The following RAB38 variants were observed in gnomAD, a reference collection of about 807,000 sequenced individuals.
The protein encoded by RAB38 is RAB38, member RAS oncogene family.
Under a neutral mutation model 18.4 loss-of-function variants are expected in RAB38, and 15 were observed. The ratio of observed to expected loss-of-function variants is 0.82; its 90% CI spans 0.55 to 1.26. The LOEUF is 1.26. RAB38 is among the 50% of genes most tolerant of loss of function. The probability of loss-of-function intolerance (pLI) is 0.00; values close to 1 mark genes in which losing one functional copy is unlikely to be tolerated. For synonymous variants in RAB38, 101 were observed against 104.4 expected (o/e 0.97, Z 0.20); for missense variants, 294 against 267.4 (o/e 1.10, Z -0.69).
chr11:88,153,548 C>T (rs1277280365), intron 1 of RAB38, among the ~76,000 whole-genome samples: 1 of 152,162 alleles, frequency 6.6e-6, no homozygotes, highest in African/African-American at 2.4e-5. Flanking sequence ...CCCCTGGCAG[C>T]TCCCTAAATG....
At chr11:88,029,060 G>C in the RAB38 span, among the ~76,000 whole-genome samples, 2 of 152,048 alleles carry the variant, frequency 1.3e-5, no homozygotes, top group Non-Finnish European at 2.9e-5. Context: ...CCAGAAGAGA[G>C]TGGGGGCCAA....
chr11:87,870,176 T>C, the RAB38 span, among the ~76,000 whole-genome samples: 2 of 151,688 alleles, frequency 1.3e-5, no homozygotes, highest in African/African-American at 4.8e-5. Context: ...ATTATTCACA[T>C]GCTCACAACA....
chr11:87,949,603 T>C, the RAB38 span, among the ~76,000 whole-genome samples: 5 of 152,208 alleles, frequency 3.3e-5, no homozygotes, highest in Admixed American at 2.0e-4. Flanking sequence ...TTGTTCTCAT[T>C]GGTTTCAAAG....
chr11:87,956,196 T>C, the RAB38 span, among the ~76,000 whole-genome samples: 1 of 152,150 alleles, frequency 6.6e-6, no homozygotes, highest in African/African-American at 2.4e-5. Context: ...ATATCAACGA[T>C]ACAAAGTCAT....
At chr11:87,913,500 A>T in the RAB38 span, among the ~76,000 whole-genome samples, 3 of 152,158 alleles carry the variant, frequency 2.0e-5, no homozygotes, top group East Asian at 5.8e-4. Flanking sequence ...GAGTTGTGTA[A>T]TATGAATATA....
At chr11:88,045,627 T>A in the RAB38 span, among the ~76,000 whole-genome samples, 2 of 152,210 alleles carry the variant, frequency 1.3e-5, no homozygotes, top group Non-Finnish European at 2.9e-5. Context: ...GCTCTCTGAC[T>A]CCTTCCCAGA....
At chr11:87,870,017 T>G in the RAB38 span, among the ~76,000 whole-genome samples, 1 of 151,710 alleles carries the variant, frequency 6.6e-6, no homozygotes, top group African/African-American at 2.4e-5. Context: ...TTCATACTTA[T>G]GCTTAAATTA....
the RAB38 span, among the ~76,000 whole-genome samples, chr11:87,838,543 C>G: frequency 6.6e-6 from 1 of 152,138 alleles, no homozygotes; most frequent in Non-Finnish European, 1.5e-5. Context: ...AGATCTGTCT[C>G]TTTTGGAGAG....
At chr11:87,819,678 G>GTATA in the RAB38 span, among the ~76,000 whole-genome samples, 1 of 145,108 alleles carries the variant, frequency 6.9e-6, no homozygotes, top group African/African-American at 2.5e-5. Context: ...ATATATATGT[G>GTATA]TATATATATA....
the RAB38 span, among the ~76,000 whole-genome samples, chr11:87,808,347 G>A: frequency 1.3e-5 from 2 of 152,246 alleles, no homozygotes; most frequent in African/African-American, 4.8e-5. Flanking sequence ...AAAATGTGAT[G>A]TATATATACA....
chr11:87,835,152 G>C, the RAB38 span, among the ~76,000 whole-genome samples: 2 of 152,208 alleles, frequency 1.3e-5, no homozygotes, highest in African/African-American at 4.8e-5. Flanking sequence ...CGAATGTATT[G>C]GGTGACTTAC....
At chr11:88,024,569 G>A in the RAB38 span, among the ~76,000 whole-genome samples, 1 of 152,110 alleles carries the variant, frequency 6.6e-6, no homozygotes, top group African/African-American at 2.4e-5. Flanking sequence ...TTTTATCAAA[G>A]AGATATCTAC....
intron 2 of RAB38, among the ~76,000 whole-genome samples, chr11:88,117,237 G>T (rs999775324): frequency 6.6e-6 from 1 of 152,134 alleles, no homozygotes; most frequent in African/African-American, 2.4e-5. Flanking sequence ...TAAGTACTAG[G>T]CATACCAATA....
the RAB38 span, among the ~76,000 whole-genome samples, chr11:88,081,392 A>T: frequency 1.3e-5 from 2 of 151,982 alleles, no homozygotes; most frequent in South Asian, 4.1e-4. Flanking sequence ...CACATACTCC[A>T]AACCTGACAA....
the RAB38 span, among the ~76,000 whole-genome samples, chr11:87,948,997 C>T: frequency 3.3e-5 from 5 of 152,034 alleles, no homozygotes; most frequent in Non-Finnish European, 5.9e-5. Context: ...TGGTAGAATT[C>T]GGCTGTGAAT....
the RAB38 span, among the ~76,000 whole-genome samples, chr11:88,083,809 C>T: frequency 6.6e-6 from 1 of 151,972 alleles, no homozygotes; most frequent in Admixed American, 6.6e-5. Context: ...GAGAACAGGG[C>T]CCTCGCCAAA....
the RAB38 span, among the ~76,000 whole-genome samples, chr11:87,854,458 T>C: frequency 6.6e-5 from 10 of 152,158 alleles, no homozygotes; most frequent in African/African-American, 2.4e-4. Context: ...CATTTGGTAG[T>C]GAATAGGAAA....
chr11:87,811,499 C>G, the RAB38 span, among the ~76,000 whole-genome samples: 1 of 152,148 alleles, frequency 6.6e-6, no homozygotes, highest in African/African-American at 2.4e-5. Context: ...ATTTCCATCC[C>G]TATTTTTAAG....
chr11:87,964,618 A>G, the RAB38 span, among the ~76,000 whole-genome samples: 3 of 152,108 alleles, frequency 2.0e-5, no homozygotes, highest in Non-Finnish European at 4.4e-5. Context: ...ACAACCAATT[A>G]ATCAATGAGA....
Sources: gnomAD v4.1 joint callset for allele counts (sites outside exome capture counted in the v4.1 genomes callset) on GRCh38, gnomAD v4.1.1 for gene constraint, MANE v1.5 for transcripts, NCBI Gene and HGNC (gene_info 2026-07-23, HGNC 2026-07-21) for gene names.